PTK2: variants seen among roughly 807,000 people sequenced by gnomAD.
The protein encoded by PTK2 is focal adhesion kinase 1.
A neutral mutation model predicts 150.1 loss-of-function variants in PTK2; 45 were observed. The ratio of observed to expected loss-of-function variants is 0.30; its 90% CI spans 0.24 to 0.38. The LOEUF is 0.38. Ranked by LOEUF, PTK2 falls within the 10% of genes least tolerant of loss-of-function variation. PTK2 has a pLI of 1.00. For missense variants in PTK2, 919 were observed against 1,307.3 expected, an observed-to-expected ratio of 0.70 and a Z score of 4.58; for synonymous variants, 432 against 449.2, an observed-to-expected ratio of 0.96 and a Z score of 0.48.
At chr8:140,778,546 G>A (rs2100079726) in intron 14 of PTK2, among the ~76,000 whole-genome samples, 1 of 152,214 alleles carries the variant, frequency 6.6e-6, no homozygotes, top group South Asian at 2.1e-4. Context: ...GAGGTTTAAG[G>A]AAAGGTTCAA....
intron 5 of PTK2, among the ~76,000 whole-genome samples, chr8:140,862,991 C>T (rs903623693): frequency 1.3e-5 from 2 of 152,196 alleles, no homozygotes; most frequent in African/African-American, 4.8e-5. Flanking sequence ...AGACACACCC[C>T]CGCCAACAGC....
At chr8:140,697,852 G>GTTTTTTTTTTTTT (rs71308981) in intron 26 of PTK2, among the ~76,000 whole-genome samples, 4 of 47,968 alleles carry the variant, frequency 8.3e-5, no homozygotes, top group African/African-American at 2.7e-4. Context: ...AGGGTTTACT[G>GTTTTTTTTTTTTT]TTTTTTTTTT....
At chr8:140,788,442 G>T (rs934003064) in intron 14 of PTK2, among the ~76,000 whole-genome samples, 7 of 152,178 alleles carry the variant, frequency 4.6e-5, no homozygotes, top group Non-Finnish European at 1.0e-4. Flanking sequence ...CTGGCACTTT[G>T]GGAGGCCGAG....
intron 1 of PTK2, among the ~76,000 whole-genome samples, chr8:140,961,843 C>A (rs1019531954): frequency 2.0e-5 from 3 of 152,082 alleles, no homozygotes; most frequent in African/African-American, 7.2e-5. Flanking sequence ...AGGTTTAATT[C>A]TTTTAAAGAT....
At chr8:140,693,554 T>C (rs1184575718) in intron 26 of PTK2, among the ~76,000 whole-genome samples, 1 of 109,166 alleles carries the variant, frequency 9.2e-6, no homozygotes, top group East Asian at 2.6e-4. Flanking sequence ...GAGTGAGACT[T>C]TGTCTCAATT....
chr8:140,890,267 T>TA (rs771284220), intron 3 of PTK2: 11,879 of 285,404 alleles, frequency 0.042, 6 homozygotes, highest in South Asian at 0.054. Flanking sequence ...ATCCAAGAGT[T>TA]AAAAAAAAAA....
intron 22 of PTK2, among the ~76,000 whole-genome samples, chr8:140,733,619 A>G (rs1487955465): frequency 6.6e-6 from 1 of 152,220 alleles, no homozygotes; most frequent in African/African-American, 2.4e-5. Flanking sequence ...ACAACATGCA[A>G]TAAAGCATGT....
At chr8:140,762,204 TC>T (rs928754514) in intron 15 of PTK2, among the ~76,000 whole-genome samples, 163 bp downstream of exon 18, 2 of 152,174 alleles carry the variant, frequency 1.3e-5, no homozygotes, top group African/African-American at 4.8e-5. Flanking sequence ...ACAGTTATTT[TC>T]CTCTTTAAAA....
At chr8:140,908,734 A>G (rs565570113) in intron 2 of PTK2, among the ~76,000 whole-genome samples, 28 of 152,296 alleles carry the variant, frequency 1.8e-4, no homozygotes, top group Admixed American at 3.3e-4. Context: ...GAAGGGGCCA[A>G]TTCTCCTGAT....
intron 1 of PTK2, among the ~76,000 whole-genome samples, chr8:140,974,831 G>A (rs1198563435): frequency 2.6e-5 from 4 of 152,088 alleles, no homozygotes; most frequent in South Asian, 4.1e-4. Flanking sequence ...AAGAGACAAT[G>A]TTCCCTCATC....
chr8:140,962,403 CTG>C (rs1415527074), intron 1 of PTK2, among the ~76,000 whole-genome samples: 3 of 152,070 alleles, frequency 2.0e-5, no homozygotes, highest in African/African-American at 7.2e-5. Flanking sequence ...CTAAAGAAAA[CTG>C]TGTACAAGCA....
intron 30 of PTK2, among the ~76,000 whole-genome samples, chr8:140,665,383 T>C (rs1278423059): frequency 2.0e-5 from 3 of 152,138 alleles, no homozygotes; most frequent in Admixed American, 6.5e-5. Context: ...TTTCCCCAAG[T>C]GTGTTCACCA....
At chr8:140,933,105 C>T (rs2100172468) in intron 1 of PTK2, among the ~76,000 whole-genome samples, 2 of 151,878 alleles carry the variant, frequency 1.3e-5, no homozygotes, top group South Asian at 4.2e-4. Context: ...ACCACCTCAG[C>T]CTTCCAAAGT....
chr8:140,670,282 C>T (rs1242656246), intron 29 of PTK2: 1 of 152,016 alleles, frequency 6.6e-6, no homozygotes, highest in African/African-American at 2.4e-5. Flanking sequence ...ATGGTCAAAC[C>T]CTGTCTCTAC....
At chr8:140,993,261 C>T (rs958063000) in intron 1 of PTK2, among the ~76,000 whole-genome samples, 11 of 152,182 alleles carry the variant, frequency 7.2e-5, no homozygotes, top group African/African-American at 2.7e-4. Context: ...GATCCGCTGG[C>T]CTCTGCCTCC....
chr8:140,738,056 T>C (rs2100053600), intron 21 of PTK2, among the ~76,000 whole-genome samples: 1 of 152,156 alleles, frequency 6.6e-6, no homozygotes, highest in South Asian at 2.1e-4. Context: ...TTATTTTTAT[T>C]TATAGGAGAA....
intron 23 of PTK2, among the ~76,000 whole-genome samples, chr8:140,715,360 C>T (rs1262748297): frequency 3.3e-5 from 5 of 151,364 alleles, no homozygotes; most frequent in Admixed American, 6.6e-5. Flanking sequence ...TTAGTAGAGA[C>T]GGGGTTTCAC....
intron 7 of PTK2, among the ~76,000 whole-genome samples, chr8:140,838,874 C>T (rs931280626): frequency 1.6e-4 from 24 of 151,616 alleles, no homozygotes; most frequent in East Asian, 9.7e-4. Context: ...GGCATGGTGG[C>T]GGGCACCTGT....
chr8:140,764,409 A>G (rs1252139475), intron 14 of PTK2, 119 bp from the exon 17 acceptor site: 2 of 762,288 alleles, frequency 2.6e-6, no homozygotes, highest in Non-Finnish European at 4.3e-6. Context: ...AAATATTCTT[A>G]AAACACTATT....
Sources: allele counts gnomAD v4.1 joint callset (sites outside exome capture counted in the v4.1 genomes callset), GRCh38; gene constraint gnomAD v4.1.1; transcripts MANE v1.5; gene names NCBI Gene and HGNC (gene_info 2026-07-23, HGNC 2026-07-21).